Variants in ACOX2 observed in about 807,000 individuals in gnomAD.
The protein encoded by ACOX2 is acyl-CoA oxidase 2, also known as peroxisomal acyl-coenzyme A oxidase 2.
In ACOX2, 59 loss-of-function variants were observed where a neutral mutation model predicts 77.5. The observed-to-expected ratio is 0.76, with a 90% CI of 0.62 to 0.95. The LOEUF (loss-of-function observed/expected upper bound fraction) is 0.95, where lower values mean the gene tolerates loss of function less well. ACOX2 is among the 40% of genes least tolerant of loss of function. ACOX2 has a pLI of 0.00. For synonymous variants in ACOX2, 317 were observed against 340.1 expected (o/e 0.93, Z 0.75); for missense variants, 837 against 880.4 (o/e 0.95, Z 0.62).
rs2063463151 is a variant in ACOX2 at position 58,534,297 on chromosome 3, A to AG, written c.323+62dup. On this transcript the variant is annotated intron_variant, in intron 3 of 14. Coordinates refer to ENST00000302819, the MANE Select transcript of ACOX2 (RefSeq NM_003500.4). The surrounding 1 kb of genome is among the most constrained non-coding windows in gnomAD (Gnocchi z 4.8). ...GTTGGGGGAAATGGCTCATGGGGCT[A>AG]GGGGGTTTCCAGGTGATCCCAGGTA... 3 of 1,600,628 alleles carry AG rather than the reference A, an allele frequency of 1.9e-6. No individual in the cohort carries two copies. Among genetic ancestry groups the AG allele is most frequent in the Non-Finnish European group, 2.6e-6 (3 of 1,173,642 alleles).
Position 58,528,093 on chromosome 3 carries a change from T to C in ACOX2, c.1155+701A>G, listed in dbSNP as rs1402046121. Among the ~76,000 whole-genome samples the C allele has an allele frequency of 6.6e-6, 1 of 152,226 alleles. No individual in the cohort carries two copies. Among genetic ancestry groups the C allele is most frequent in the African/African-American group, 2.4e-5 (1 of 41,452 alleles). On this transcript the variant is annotated intron_variant, in intron 9 of 14. Coordinates refer to ENST00000302819, the MANE Select transcript of ACOX2 (RefSeq NM_003500.4). This position sits in a 1 kb window ranked among gnomAD's most constrained non-coding sequence, Gnocchi z 5.6. ...AGAGGCTGCTGGGCAGCAGGACTGC[T>C]TTCAGATTTTGGTTCTTGAAGACCC...
At position 58,534,815 on chromosome 3, in the gene ACOX2, G is replaced by C. The variant is rs1392194245; in HGVS notation, c.160+132C>G. The stretch of plus-strand genomic sequence containing the variant: ...TGAAGATTGTCTTTACAGTTCGAAG[G>C]AATGAATCTCTAACAGTGGAATTTC... On this transcript the variant is annotated intron_variant, in intron 2 of 14. Transcript: ENST00000302819. The surrounding 1 kb of genome is among the most constrained non-coding windows in gnomAD (Gnocchi z 4.8). The C allele has an allele frequency of 6.9e-7, 1 of 1,455,920 alleles. No individual in the cohort carries two copies. The highest frequency in any genetic ancestry group is 1.4e-5 in the African/African-American group (1 of 71,788). The allele number at this position is 1,455,920 out of a possible 1,614,324, so 90.2% of individuals were successfully genotyped here. A position where few individuals can be genotyped will look rare whatever the true frequency, so the allele number is the denominator to read the frequency against.
In ACOX2 at chr3:58,508,944, G is replaced by A. The variant is rs573721661; in HGVS notation, c.1932C>T (p.Asn644=). ...CCCACTGGAACAGGCGTTCGTAGACGTTTCCATCATAACAGCCAAGTGCTG... is the reference window on the plus strand; with the variant it reads ...CCCACTGGAACAGGCGTTCGTAGACATTTCCATCATAACAGCCAAGTGCTG... ...LNSALGCYDG[N]VYERLFQWAQ... Residue 644 remains asparagine, a synonymous_variant, in exon 14 of 15, where the codon AAC becomes AAT. Coordinates refer to ENST00000302819, the MANE Select transcript of ACOX2 (RefSeq NM_003500.4). 1.3e-5 allele frequency: 21 copies of A among 1,614,182 alleles called. No individual in the cohort carries two copies. Among genetic ancestry groups the A allele is most frequent in the South Asian group, 1.2e-4 (11 of 91,090 alleles).
Position 58,533,155 on chromosome 3 carries a change from T to G in ACOX2, c.583+290A>C, listed in dbSNP as rs1016951189. ...TAGGACTAGACCAAGTGTGTGTGTT[T>G]GTGCGTGTGTGTGTGAGTGAGGCCT... On this transcript the variant is annotated intron_variant, in intron 5 of 14. Transcript: ENST00000302819. This position sits in a 1 kb window ranked among gnomAD's most constrained non-coding sequence, Gnocchi z 5.6. 6.6e-6 allele frequency among the ~76,000 whole-genome samples: 1 copy of G among 152,182 alleles called. No homozygotes were observed. Among genetic ancestry groups the G allele is most frequent in the African/African-American group, 2.4e-5 (1 of 41,452 alleles).
Position 58,524,536 on chromosome 3 carries a change from T to G in ACOX2, c.1416A>C (p.Pro472=). 1 of 1,614,078 alleles carries G rather than the reference T, an allele frequency of 6.2e-7. No individual in the cohort carries two copies. The highest frequency in any genetic ancestry group is 1.1e-5 in the South Asian group (1 of 91,068). ...PGSTPQRSLS[P]SVAYLTAPDL... ...CAGGTGCGGTGAGATATGCGACAGATGGAGAGAGAGATCTCTGTGGCGTGG... is the reference window on the plus strand; with the variant it reads ...CAGGTGCGGTGAGATATGCGACAGAGGGAGAGAGAGATCTCTGTGGCGTGG... The change falls in exon 11 of 15, where the codon CCA becomes CCC. Residue 472 remains proline (P), a synonymous_variant. Coordinates refer to ENST00000302819, the MANE Select transcript of ACOX2 (RefSeq NM_003500.4). This position sits in a 1 kb window ranked among gnomAD's most constrained non-coding sequence, Gnocchi z 5.5.
In ACOX2 at chr3:58,533,588, A is replaced by C. The variant is rs752934757; in HGVS notation, c.476-36T>G. ...AGGAGAGGTGTTAGACATTGGCCTG[A>C]GGTGGGGTTCTTACCTGTGAAGCTG... On this transcript the variant is annotated intron_variant, in intron 4 of 14. Coordinates refer to ENST00000302819, the MANE Select transcript of ACOX2 (RefSeq NM_003500.4). This position sits in a 1 kb window ranked among gnomAD's most constrained non-coding sequence, Gnocchi z 5.6. The C allele has an allele frequency of 6.2e-7, 1 of 1,601,374 alleles. No homozygotes were observed. The highest frequency in any genetic ancestry group is 2.2e-5 in the East Asian group (1 of 44,764).
chr3:58,527,536 G>GAAA (rs71625626), intron 9 of ACOX2, among the ~76,000 whole-genome samples: 6 of 107,754 alleles, frequency 5.6e-5, no homozygotes, highest in African/African-American at 2.3e-4. Flanking sequence ...ACTGTCTCAG[G>GAAA]AAAAAAAAAA....
Position 58,528,923 on chromosome 3 carries a change from T to G in ACOX2, c.1026A>C (p.Thr342=). The G allele has an allele frequency of 6.2e-7, 1 of 1,613,560 alleles. No individual in the cohort carries two copies. The highest frequency in any genetic ancestry group is 1.3e-5 in the African/African-American group (1 of 75,052). The part of the protein sequence containing the change: ...DPEAKVLDYQ[T]QQQKLFPQLA... The stretch of plus-strand genomic sequence containing the variant: ...GCTGAGGAAAGAGTTTCTGCTGTTG[T>G]GTCTGGTAGTCCAGGACCTTTGCCT... Residue 342 remains threonine, a synonymous_variant, in exon 9 of 15, where the codon ACA becomes ACC. Coordinates refer to ENST00000302819, the MANE Select transcript of ACOX2 (RefSeq NM_003500.4). This position sits in a 1 kb window ranked among gnomAD's most constrained non-coding sequence, Gnocchi z 5.6.
intron 8 of ACOX2, 80 bp from the exon 9 acceptor site, chr3:58,529,036 T>G: frequency 7.0e-7 from 1 of 1,426,564 alleles, no homozygotes; most frequent in Non-Finnish European, 9.4e-7. Context: ...ATAAAAACCT[T>G]AAAAACAGAC....
At position 58,526,586 on chromosome 3, in the gene ACOX2, C is replaced by A. The variant is rs746437214; in HGVS notation, c.1226G>T (p.Arg409Leu). ...GTAGCCATGTCCGCCACAGGCCCTG[C>A]GGCACATCTCAGCTCCCTGGGTGCA... is the stretch of plus-strand genomic sequence containing the variant. ...EFCTQGAEMCRRACGGHGYSK... is the reference protein window; with the variant it reads ...EFCTQGAEMCLRACGGHGYSK... Residue 409 changes from arginine to leucine, a missense_variant, in exon 10 of 15, where the codon CGC (arginine) becomes CTC (leucine). By Grantham distance (102) the Arg-to-Leu change is moderately radical. Transcript: ENST00000302819. The surrounding 1 kb of genome is among the most constrained non-coding windows in gnomAD (Gnocchi z 4.3). 6 of 1,614,084 alleles carry A rather than the reference C, an allele frequency of 3.7e-6. No individual in the cohort carries two copies. The African/African-American group carries it at 6.7e-5, about 18-fold the overall frequency.
rs1198497887 is a variant in ACOX2 at position 58,519,754 on chromosome 3, C to T, written c.1633-2331G>A. On this transcript the variant is annotated intron_variant, in intron 12 of 14. Transcript: ENST00000302819. This position sits in a 1 kb window ranked among gnomAD's most constrained non-coding sequence, Gnocchi z 5.0. ...TGACAACTCCACTTTGCCATTCAGA[C>T]ATGGTGTGCTCACAGCCATGCTGGG... is the stretch of plus-strand genomic sequence containing the variant. Among the ~76,000 whole-genome samples the T allele has an allele frequency of 6.6e-6, 1 of 152,244 alleles. No homozygotes were observed. The highest frequency in any genetic ancestry group is 2.4e-5 in the African/African-American group (1 of 41,464).
chr3:58,534,153 G>A lies in ACOX2; in HGVS notation c.324-8C>T. ...ACGTCTCCAGAAAGGGCTCTGTTGGGGAGAGATGCTGTAGTTGAGTAGCTT... is the reference window on the plus strand; with the variant it reads ...ACGTCTCCAGAAAGGGCTCTGTTGGAGAGAGATGCTGTAGTTGAGTAGCTT... On this transcript the variant is annotated splice_region_variant and splice_polypyrimidine_tract_variant and intron_variant, in intron 3 of 14. Transcript: ENST00000302819. This position sits in a 1 kb window ranked among gnomAD's most constrained non-coding sequence, Gnocchi z 4.8. The A allele has an allele frequency of 1.2e-6, 2 of 1,613,992 alleles. No homozygotes were observed. The highest frequency in any genetic ancestry group is 8.5e-7 in the Non-Finnish European group (1 of 1,179,984).
intron 13 of ACOX2, among the ~76,000 whole-genome samples, chr3:58,513,049 C>A (rs1021181171): frequency 4.6e-5 from 7 of 152,198 alleles, no homozygotes; most frequent in African/African-American, 1.4e-4. Context: ...CCTACCTTCT[C>A]CTCAGGTCTT....
intron 13 of ACOX2, chr3:58,511,567 T>TA (rs1247786716): frequency 6.2e-6 from 1 of 161,414 alleles, no homozygotes; most frequent in Non-Finnish European, 1.3e-5. Flanking sequence ...AGGTACTCTG[T>TA]AGATATCCTC....
At chr3:58,511,994 G>A (rs897493046) in intron 13 of ACOX2, among the ~76,000 whole-genome samples, 2 of 152,182 alleles carry the variant, frequency 1.3e-5, no homozygotes, top group African/African-American at 4.8e-5. Flanking sequence ...CACTCCTTGT[G>A]ATGTTCTTCT....
intron 1 of ACOX2, among the ~76,000 whole-genome samples, chr3:58,536,717 A>G (rs1224641692): frequency 6.6e-6 from 1 of 152,022 alleles, no homozygotes; most frequent in Non-Finnish European, 1.5e-5. Flanking sequence ...CCCTTTCTTC[A>G]AATGTCACTA....
rs2063415217 is a variant in ACOX2 at position 58,528,790 on chromosome 3, G to T, written c.1155+4C>A. 3 of 1,605,378 alleles carry T rather than the reference G, an allele frequency of 1.9e-6. No individual in the cohort carries two copies. The highest frequency in any genetic ancestry group is 1.3e-5 in the African/African-American group (1 of 74,818). On this transcript the variant is annotated splice_donor_region_variant and intron_variant, in intron 9 of 14. Coordinates refer to ENST00000302819, the MANE Select transcript of ACOX2 (RefSeq NM_003500.4). The surrounding 1 kb of genome is among the most constrained non-coding windows in gnomAD (Gnocchi z 5.6). ...GCGCCTGCCCCTCCGCAGACAGCAG[G>T]TACCTCAGGCAGGAAGCTGAAGTCT...
chr3:58,530,432 T>C (rs1196209857), intron 8 of ACOX2, 34 bp downstream of exon 8: 8 of 1,603,584 alleles, frequency 5.0e-6, no homozygotes, highest in African/African-American at 1.3e-5. Flanking sequence ...AGAGGCAGCA[T>C]ATCTGCGGTA....
Position 58,528,931 on chromosome 3 carries a change from A to T in ACOX2, c.1018T>A (p.Tyr340Asn). 1 of 1,612,792 alleles carries T rather than the reference A, an allele frequency of 6.2e-7. No homozygotes were observed. The highest frequency in any genetic ancestry group is 1.1e-5 in the South Asian group (1 of 90,632). ...AAGAGTTTCTGCTGTTGTGTCTGGT[A>T]GTCCAGGACCTTTGCCTCTGGGTCA... ...PSDPEAKVLD[Y>N]QTQQQKLFPQ... Residue 340 changes from tyrosine to asparagine, a missense_variant, in exon 9 of 15, where the codon TAC becomes AAC. Coordinates refer to ENST00000302819, the MANE Select transcript of ACOX2 (RefSeq NM_003500.4). This position sits in a 1 kb window ranked among gnomAD's most constrained non-coding sequence, Gnocchi z 5.6.
Sources: allele counts gnomAD v4.1 joint callset (sites outside exome capture counted in the v4.1 genomes callset), GRCh38; gene constraint gnomAD v4.1.1; non-coding constraint Gnocchi (gnomAD v3.1); transcripts MANE v1.5; gene names NCBI Gene and HGNC (gene_info 2026-07-23, HGNC 2026-07-21).